The following NUP107 variants were observed in gnomAD, a reference collection of about 807,000 sequenced individuals.
The protein encoded by NUP107 is nuclear pore complex protein Nup107.
NUP107 carries 101 observed loss-of-function variants against 141.0 expected under a neutral mutation model. That is an observed-to-expected ratio of 0.72 (90% CI 0.61 to 0.84). The LOEUF (loss-of-function observed/expected upper bound fraction) is 0.84. Among genes scored for constraint, NUP107 ranks in the 40% least tolerant of loss-of-function variants. NUP107 has a pLI of 0.00. For synonymous variants in NUP107, 319 were observed against 363.9 expected, an observed-to-expected ratio of 0.88 and a Z score of 1.41; for missense variants, 941 against 1,102.7, an observed-to-expected ratio of 0.85 and a Z score of 2.08.
chr12:68,710,881 AT>A (rs1232627733), intron 10 of NUP107, among the ~76,000 whole-genome samples: 1 of 152,164 alleles, frequency 6.6e-6, no homozygotes, highest in East Asian at 1.9e-4. Context: ...GCACCCTTGG[AT>A]TTTGGTATCC....
chr12:68,734,653 TA>T, intron 24 of NUP107, 54 bp from the exon 25 acceptor site: 1 of 1,358,548 alleles, frequency 7.4e-7, no homozygotes, highest in Non-Finnish European at 1.0e-6. Context: ...GGTGAAACGA[TA>T]AAAGTGAAAA....
At chr12:68,739,357 T>C (rs1362065605) in intron 26 of NUP107, among the ~76,000 whole-genome samples, 1 of 152,244 alleles carries the variant, frequency 6.6e-6, no homozygotes, top group East Asian at 1.9e-4. Flanking sequence ...TTGTTTTCTT[T>C]ATTTCTTTGA....
At position 68,691,889 on chromosome 12, in the gene NUP107, T is replaced by C. The variant is rs1161316539; in HGVS notation, c.304-79T>C. 5 of 1,205,366 alleles carry C rather than the reference T, an allele frequency of 4.1e-6. No homozygotes were observed. In the African/African-American group the frequency reaches 7.8e-5, roughly 19 times the overall value. The allele number at this position is 1,205,366 out of a possible 1,614,324, so 74.7% of individuals were successfully genotyped here. ...ACATACATATAATTTTTAGAAACCT[T>C]ATTTGTTTTTAAAGTATCCACTCAG... On this transcript the variant is annotated intron_variant, in intron 4 of 27. Transcript: ENST00000229179.
At chr12:68,734,005 TCA>T (rs1489365475) in intron 24 of NUP107, among the ~76,000 whole-genome samples, 2 of 152,204 alleles carry the variant, frequency 1.3e-5, no homozygotes, top group African/African-American at 4.8e-5. Context: ...ATGCGGTGAC[TCA>T]CGCCTATAAT....
intron 8 of NUP107, chr12:68,705,656 A>G (rs1450425746): frequency 6.7e-6 from 4 of 594,134 alleles, no homozygotes; most frequent in Non-Finnish European, 1.3e-5. Flanking sequence ...GTGACCCAGA[A>G]GTCCTTCAAG....
chr12:68,707,816 G>T (rs1250802375), intron 8 of NUP107, among the ~76,000 whole-genome samples: 1 of 152,062 alleles, frequency 6.6e-6, no homozygotes. Flanking sequence ...CAGCATTTTG[G>T]CTGGATGAGG....
At position 68,687,015 on chromosome 12, in the gene NUP107, C is replaced by G; in HGVS notation, c.-51C>G. ...TCCGGAGAGCGGGAAGGCTAAAACG[C>G]GGTAGCTAAACTGCAGCCAACTTTG... On this transcript the variant is annotated 5_prime_UTR_variant, in exon 1 of 28. Transcript: ENST00000229179. 6.2e-7 allele frequency: 1 copy of G among 1,613,582 alleles called. No individual in the cohort carries two copies. Among genetic ancestry groups the G allele is most frequent in the Non-Finnish European group, 8.5e-7 (1 of 1,179,516 alleles).
At position 68,731,691 on chromosome 12, in the gene NUP107, C is replaced by T; in HGVS notation, c.1970C>T (p.Ala657Val). 1 of 1,579,578 alleles carries T rather than the reference C, an allele frequency of 6.3e-7. No individual in the cohort carries two copies. The highest frequency in any genetic ancestry group is 1.4e-5 in the African/African-American group (1 of 72,712). The change falls in exon 22 of 28, where the codon GCC (alanine) becomes GTC (valine). Residue 657 changes from alanine (A) to valine (V), a missense_variant. Physicochemically the swap from Ala to Val is moderately conservative, Grantham distance 64. Transcript: ENST00000229179. ...GGTGAATTTAGTCATCATGACCTGGCCCCAGCCCTAGATACTGGCACTACT... is the reference window on the plus strand; with the variant it reads ...GGTGAATTTAGTCATCATGACCTGGTCCCAGCCCTAGATACTGGCACTACT... ...DNGEFSHHDL[A>V]PALDTGTTEE...
chr12:68,700,038 G>T (rs1322594156), intron 6 of NUP107, among the ~76,000 whole-genome samples: 1 of 152,052 alleles, frequency 6.6e-6, no homozygotes, highest in Admixed American at 6.6e-5. Context: ...GAGTAGCTGG[G>T]ATTATAGGCA....
At chr12:68,701,502 T>G (rs1008755835) in intron 7 of NUP107, among the ~76,000 whole-genome samples, 2 of 151,902 alleles carry the variant, frequency 1.3e-5, no homozygotes, top group African/African-American at 4.8e-5. Context: ...GCCAACACAG[T>G]AGAACGCTGT....
intron 8 of NUP107, chr12:68,707,106 T>C: frequency 1.8e-6 from 1 of 561,856 alleles, no homozygotes; most frequent in Non-Finnish European, 3.2e-6. Flanking sequence ...CTACCCCTTC[T>C]GCGGCTGCCC....
At chr12:68,687,264 T>C in intron 1 of NUP107, 191 bp downstream of exon 1, 1 of 819,912 alleles carries the variant, frequency 1.2e-6, no homozygotes, top group Non-Finnish European at 1.9e-6. Context: ...CGGGGTGGGG[T>C]ACAGATCATA....
Position 68,726,579 on chromosome 12 carries a change from C to T in NUP107, c.1657C>T (p.Leu553Phe). ...ACACCTGCTTCGCTTTATGACTCAC[C>T]TTATTTTGTTTTTCCGTACTCTGGG... Reference protein sequence around the residue: ...PGHLLRFMTHLILFFRTLGLQ... With the variant: ...PGHLLRFMTHFILFFRTLGLQ... Residue 553 changes from leucine (L) to phenylalanine (F), a missense_variant, in exon 19 of 28, where the codon CTT becomes TTT. By Grantham distance (22) the Leu-to-Phe change is conservative. Coordinates refer to ENST00000229179, the MANE Select transcript of NUP107 (RefSeq NM_020401.4). The T allele has an allele frequency of 4.3e-6, 7 of 1,613,752 alleles. No homozygotes were observed. The highest frequency in any genetic ancestry group is 1.7e-4 in the Middle Eastern group (1 of 6,056).
At chr12:68,709,337 TATGAAACATGGAGAAAAGGTTA>T (rs771104200) in intron 9 of NUP107, 28 bp downstream of exon 9, 26 of 1,381,806 alleles carry the variant, frequency 1.9e-5, no homozygotes, top group Non-Finnish European at 2.5e-5. Flanking sequence ...AATTTTTTTT[TATGAAACATGGAGAAAAGGTTA>T]ATGACATGCA....
At chr12:68,689,461 T>C in intron 2 of NUP107, 72 bp from the exon 3 acceptor site, 1 of 889,412 alleles carries the variant, frequency 1.1e-6, no homozygotes. Flanking sequence ...ATTTGTATAG[T>C]AAAAAGATGG....
At chr12:68,730,337 G>C (rs923728662) in intron 20 of NUP107, among the ~76,000 whole-genome samples, 1 of 147,702 alleles carries the variant, frequency 6.8e-6, no homozygotes. Context: ...TCCTGCCTCA[G>C]CCTCCCAAGT....
At chr12:68,719,052 C>A (rs1394468452) in intron 12 of NUP107, among the ~76,000 whole-genome samples, 2 of 152,070 alleles carry the variant, frequency 1.3e-5, no homozygotes, top group Non-Finnish European at 2.9e-5. Flanking sequence ...CTGCGCCTGG[C>A]TAGTTTTCCT....
rs1876769425 is a variant in NUP107, at chr12:68,709,937, A to G, written c.802-68A>G. ...AACTGTTTGAATTAAGGGTAGTAGT[A>G]CCACTACAAATAAAACACAAATAGA... On this transcript the variant is annotated intron_variant, in intron 9 of 27. Coordinates refer to ENST00000229179, the MANE Select transcript of NUP107 (RefSeq NM_020401.4). 9 of 880,676 alleles carry G rather than the reference A, an allele frequency of 1.0e-5. No homozygotes were observed. In the South Asian group the frequency reaches 1.3e-4, roughly 12 times the overall value. The allele number at this position is 880,676 out of a possible 1,614,324, so 54.6% of individuals were successfully genotyped here.
chr12:68,691,371 G>T (rs1373552742), intron 4 of NUP107, among the ~76,000 whole-genome samples: 1 of 152,164 alleles, frequency 6.6e-6, no homozygotes, highest in Non-Finnish European at 1.5e-5. Flanking sequence ...GAGGTTAACA[G>T]ATGAAGAATA....
Sources: allele counts gnomAD v4.1 joint callset (sites outside exome capture counted in the v4.1 genomes callset), GRCh38; gene constraint gnomAD v4.1.1; transcripts MANE v1.5; gene names NCBI Gene and HGNC (gene_info 2026-07-23, HGNC 2026-07-21).